Variants in GFRA2 observed in about 807,000 individuals in gnomAD.
GFRA2 encodes GDNF family receptor alpha-2.
GFRA2 carries 17 observed loss-of-function variants against 48.3 expected under a neutral mutation model. That is an observed-to-expected ratio of 0.35 (90% CI 0.24 to 0.53). GFRA2 has a LOEUF of 0.53. Among genes scored for constraint, GFRA2 ranks in the 20% least tolerant of loss-of-function variants. The pLI, the probability that GFRA2 is intolerant of heterozygous loss-of-function variation, is 0.93. For missense variants in GFRA2, 660 were observed against 637.3 expected (o/e 1.04, Z -0.38); for synonymous variants, 305 against 257.2 (o/e 1.19, Z -1.78).
intron 6 of GFRA2, among the ~76,000 whole-genome samples, chr8:21,704,538 G>A (rs1232005597): frequency 6.6e-6 from 1 of 152,176 alleles, no homozygotes; most frequent in Non-Finnish European, 1.5e-5. Flanking sequence ...ATGGGTGCTG[G>A]GCTGGAAAGA....
At chr8:21,708,779 G>A (rs1802875525) in intron 4 of GFRA2, among the ~76,000 whole-genome samples, 1 of 152,192 alleles carries the variant, frequency 6.6e-6, no homozygotes. Context: ...AAGAGAAAGA[G>A]AAAGGCATGC....
In GFRA2 at chr8:21,705,127, T is replaced by G; in HGVS notation, c.905-2A>C. ...CATAGTTAGGTGTCATGTCAAACCC[T>G]GGGCAGGAAGAAAGGTGGGGGAGAG... On this transcript the variant is annotated splice_acceptor_variant, in intron 5 of 8. Transcript: ENST00000524240. LOFTEE classifies it high-confidence loss of function. 1 of 1,607,664 alleles carries G rather than the reference T, an allele frequency of 6.2e-7. No homozygotes were observed. The highest frequency in any genetic ancestry group is 8.5e-7 in the Non-Finnish European group (1 of 1,177,488).
chr8:21,716,447 C>T (rs4464960), intron 4 of GFRA2, among the ~76,000 whole-genome samples: 79,659 of 151,672 alleles, frequency 0.53, 23,568 homozygotes, highest in East Asian at 0.71. Flanking sequence ...ACAAAACCCA[C>T]AAAGGATCTG....
At chr8:21,790,335 G>A (rs1478930315), upstream of GFRA2, among the ~76,000 whole-genome samples, 1 of 152,228 alleles carries the variant, frequency 6.6e-6, no homozygotes, top group Non-Finnish European at 1.5e-5. Context: ...AACTTTTCGT[G>A]CTGCCCAAAA....
chr8:21,750,979 C>T lies in GFRA2; in HGVS notation c.440-37G>A. 3.5e-6 allele frequency: 5 copies of T among 1,418,180 alleles called. No individual in the cohort carries two copies. Among genetic ancestry groups the T allele is most frequent in the Non-Finnish European group, 4.9e-6 (5 of 1,018,766 alleles). The allele number at this position is 1,418,180 out of a possible 1,614,324, so 87.8% of individuals were successfully genotyped here. A position where few individuals can be genotyped will look rare whatever the true frequency, so the allele number is the denominator to read the frequency against. ...ACAAGAGAGCAGGTCAGAGGCCACA[C>T]AAGCATGAGGAGGACACAGCTGCCC... On this transcript the variant is annotated intron_variant, in intron 3 of 8. Coordinates refer to ENST00000524240, the MANE Select transcript of GFRA2 (RefSeq NM_001495.5). The surrounding 1 kb of genome is among the most constrained non-coding windows in gnomAD (Gnocchi z 5.7).
chr8:21,716,455 C>A (rs1393851933), intron 4 of GFRA2, among the ~76,000 whole-genome samples: 1 of 152,166 alleles, frequency 6.6e-6, no homozygotes. Flanking sequence ...CACAAAGGAT[C>A]TGTCCAGCCC....
chr8:21,760,043 A>G (rs1206703512), intron 3 of GFRA2, among the ~76,000 whole-genome samples: 1 of 152,186 alleles, frequency 6.6e-6, no homozygotes. Context: ...GCAAAGGAGG[A>G]GCAAGCACAA....
chr8:21,800,104 G>A (rs938009364), intron 2 of GFRA2, among the ~76,000 whole-genome samples: 3 of 152,266 alleles, frequency 2.0e-5, no homozygotes, highest in African/African-American at 4.8e-5. Flanking sequence ...TCTTGTAAAC[G>A]GATCCTAAGG....
intron 5 of GFRA2, among the ~76,000 whole-genome samples, chr8:21,705,350 C>T (rs117238997): frequency 0.013 from 1,926 of 152,280 alleles, 24 homozygotes; most frequent in Middle Eastern, 0.037. Flanking sequence ...GGACACTGGG[C>T]TCCTTGCCAC....
intron 4 of GFRA2, among the ~76,000 whole-genome samples, chr8:21,740,395 C>T (rs947530293): frequency 3.3e-5 from 5 of 152,180 alleles, no homozygotes; most frequent in East Asian, 1.9e-4. Context: ...ATCAGGTTTC[C>T]GTAATCACCA....
chr8:21,777,014 T>C (rs1413401046), intron 2 of GFRA2, among the ~76,000 whole-genome samples: 1 of 152,206 alleles, frequency 6.6e-6, no homozygotes, highest in Non-Finnish European at 1.5e-5. Context: ...GTGCCAGCAC[T>C]GAAAGTGCTT....
At chr8:21,725,377 C>A (rs1055988062) in intron 4 of GFRA2, among the ~76,000 whole-genome samples, 16 of 152,216 alleles carry the variant, frequency 1.1e-4, no homozygotes, top group Admixed American at 1.0e-3. Context: ...AGGGCAGAAG[C>A]CCTTTACAGA....
intron 3 of GFRA2, among the ~76,000 whole-genome samples, chr8:21,758,325 C>T (rs1275518442): frequency 6.6e-6 from 1 of 152,136 alleles, no homozygotes; most frequent in Non-Finnish European, 1.5e-5. Flanking sequence ...GTTTCATCCC[C>T]CTCTGCCACC....
chr8:21,709,737 A>T (rs1018593882), intron 4 of GFRA2, among the ~76,000 whole-genome samples: 1 of 151,928 alleles, frequency 6.6e-6, no homozygotes, highest in African/African-American at 2.4e-5. Flanking sequence ...GTTCCCACCC[A>T]GTGCACAGGG....
At position 21,775,004 on chromosome 8, in the gene GFRA2, G is replaced by C; in HGVS notation, c.407C>G (p.Ser136Trp). 6.2e-7 allele frequency: 1 copy of C among 1,605,134 alleles called. No homozygotes were observed. The highest frequency in any genetic ancestry group is 1.1e-5 in the South Asian group (1 of 90,864). Residue 136 changes from serine to tryptophan, a missense_variant, in exon 3 of 9, where the codon TCG becomes TGG. Transcript: ENST00000524240. ...SPYEPVTSRL[S>W]DIFRLASIFS... The stretch of plus-strand genomic sequence containing the variant: ...GATTGAAGCAAGCCTGAAGATGTCC[G>C]AGAGGCGGGAGGTCACCGGCTCATA...
chr8:21,809,852 G>A (rs768654903), intron 1 of GFRA2, among the ~76,000 whole-genome samples: 3 of 152,070 alleles, frequency 2.0e-5, no homozygotes, highest in African/African-American at 2.4e-5. Flanking sequence ...TATAGAACAC[G>A]GCCCAGGAAG....
intron 2 of GFRA2, among the ~76,000 whole-genome samples, chr8:21,776,956 T>TA (rs1252975239): frequency 6.6e-6 from 1 of 152,174 alleles, no homozygotes; most frequent in Non-Finnish European, 1.5e-5. Flanking sequence ...TATAGGAACT[T>TA]AGGAAATCAC....
At position 21,695,672 on chromosome 8, in the gene GFRA2, T is replaced by C. The variant is rs140825312; in HGVS notation, c.1219-1155A>G. ...AGAAGGGCACGTGCTCGACAACTCT[T>C]CCAGACCCAAGGCCTGGACTCCACT... On this transcript the variant is annotated intron_variant, in intron 7 of 8. Transcript: ENST00000524240. 2.5e-4 allele frequency among the ~76,000 whole-genome samples: 38 copies of C among 152,144 alleles called. 1 individual carries two copies. The East Asian group carries it at 7.4e-3, about 29-fold the overall frequency.
At chr8:21,769,723 C>T (rs1249030209) in intron 3 of GFRA2, among the ~76,000 whole-genome samples, 42 of 152,316 alleles carry the variant, frequency 2.8e-4, no homozygotes, top group African/African-American at 9.6e-4. Flanking sequence ...CACGTACAAT[C>T]GCACACATGC....
Sources: gnomAD v4.1 joint callset for allele counts (sites outside exome capture counted in the v4.1 genomes callset) on GRCh38, gnomAD v4.1.1 for gene constraint, Gnocchi (gnomAD v3.1) non-coding constraint, MANE v1.5 for transcripts, NCBI Gene and HGNC (gene_info 2026-07-23, HGNC 2026-07-21) for gene names.